AKAP9: variants seen among roughly 807,000 people sequenced by gnomAD.
The protein encoded by AKAP9 is A-kinase anchoring protein 9.
Under a neutral mutation model 488.5 loss-of-function variants are expected in AKAP9, and 311 were observed. The observed-to-expected ratio is 0.64, with a 90% CI of 0.58 to 0.70. The LOEUF (loss-of-function observed/expected upper bound fraction) is 0.70, where lower values mean the gene tolerates loss of function less well. Ranked by LOEUF, AKAP9 falls within the 30% of genes least tolerant of loss-of-function variation. The pLI is 0.00. For synonymous variants in AKAP9, 1,462 were observed against 1,483.5 expected (o/e 0.99, Z 0.33); for missense variants, 4,215 against 4,374.5 (o/e 0.96, Z 1.03).
At position 92,045,149 on chromosome 7, in the gene AKAP9, C is replaced by T; in HGVS notation, c.5304C>T (p.Ser1768=). The T allele has an allele frequency of 6.2e-7, 1 of 1,613,362 alleles. No individual in the cohort carries two copies. The highest frequency in any genetic ancestry group is 8.5e-7 in the Non-Finnish European group (1 of 1,179,912). The part of the protein sequence containing the change: ...DRSSKSQSSA[S]LIWRSEAEAS... ...CTAGTAAAAGCCAGTCATCTGCCAG[C>T]CTAATTTGGAGGTCAGAAGCAGAGG... Residue 1768 remains serine (S), a synonymous_variant, in exon 21 of 50, where the codon AGC becomes AGT. Coordinates refer to ENST00000356239, the MANE Select transcript of AKAP9 (RefSeq NM_005751.5).
At chr7:91,985,869 G>C (rs988918434) in intron 3 of AKAP9, among the ~76,000 whole-genome samples, 1 of 152,016 alleles carries the variant, frequency 6.6e-6, no homozygotes, top group African/African-American at 2.4e-5. Context: ...AGCTGGTCTC[G>C]AACTCCTGAC....
intron 5 of AKAP9, 56 bp from the exon 6 acceptor site, chr7:91,994,564 AC>A: frequency 5.0e-6 from 7 of 1,406,572 alleles, no homozygotes; most frequent in Non-Finnish European, 6.8e-6. Flanking sequence ...TGAAAAAGTT[AC>A]CTGTAATAAT....
At chr7:91,982,539 G>A (rs1796564207) in intron 3 of AKAP9, among the ~76,000 whole-genome samples, 1 of 152,092 alleles carries the variant, frequency 6.6e-6, no homozygotes, top group African/African-American at 2.4e-5. Flanking sequence ...TTTTATGGCT[G>A]CATAGTATTC....
At chr7:91,982,311 A>G (rs1248010223) in intron 3 of AKAP9, among the ~76,000 whole-genome samples, 9 of 151,930 alleles carry the variant, frequency 5.9e-5, no homozygotes, top group Non-Finnish European at 1.0e-4. Flanking sequence ...CATTTACATT[A>G]GGTATATCTC....
intron 11 of AKAP9, 131 bp from the exon 12 acceptor site, chr7:92,016,886 G>C (rs937742637): frequency 1.7e-5 from 11 of 656,128 alleles, no homozygotes; most frequent in Non-Finnish European, 2.2e-5. Context: ...TCAATTTTCA[G>C]TTACTAAATA....
At chr7:92,044,594 G>A (rs1400949051) in intron 20 of AKAP9, among the ~76,000 whole-genome samples, 1 of 152,062 alleles carries the variant, frequency 6.6e-6, no homozygotes, top group East Asian at 1.9e-4. Context: ...ATTTAAATGT[G>A]CAAAATACAT....
chr7:92,045,394 G>A (rs1169973225), intron 21 of AKAP9, among the ~76,000 whole-genome samples, 181 bp downstream of exon 21: 1 of 152,026 alleles, frequency 6.6e-6, no homozygotes. Flanking sequence ...TTTGCAAGTG[G>A]GTATCATAGA....
chr7:92,033,870 A>C (rs1804712434), intron 16 of AKAP9, among the ~76,000 whole-genome samples: 1 of 152,192 alleles, frequency 6.6e-6, no homozygotes, highest in Non-Finnish European at 1.5e-5. Context: ...TTTACATTTC[A>C]CTGTTAAGCA....
Position 92,083,667 on chromosome 7 carries a change from T to TTA in AKAP9, c.8646+15_8646+16dup, listed in dbSNP as rs750558687. On this transcript the variant is annotated intron_variant, in intron 33 of 49. Transcript: ENST00000356239. ...TGAGAAGTAAAGAGGTATTTGGTTTTTATAATATGTGTTTTTCAACATTGT... is the reference window on the plus strand; with the variant it reads ...TGAGAAGTAAAGAGGTATTTGGTTTTTATATAATATGTGTTTTTCAACATTGT... 11 of 1,609,574 alleles carry TTA rather than the reference T, an allele frequency of 6.8e-6. No homozygotes were observed. Among genetic ancestry groups the TTA allele is most frequent in the Non-Finnish European group, 9.3e-6 (11 of 1,179,130 alleles).
In AKAP9 at chr7:92,108,580, A is replaced by G. The variant is rs1425583842; in HGVS notation, c.11633A>G (p.Asp3878Gly). ...TACGATCCTGACAGAGCCCTAACAG[A>G]TTATATCACTCGGCTAGAGGCACTG... ...QNYDPDRALT[D>G]YITRLEALQR... The change falls in exon 49 of 50, where the codon GAT becomes GGT. Residue 3878 changes from aspartate (D) to glycine (G), a missense_variant. Physicochemically the swap from Asp to Gly is moderately conservative, Grantham distance 94 (BLOSUM62 -1). Coordinates refer to ENST00000356239, the MANE Select transcript of AKAP9 (RefSeq NM_005751.5). 32 of 1,614,198 alleles carry G rather than the reference A, an allele frequency of 2.0e-5. No individual in the cohort carries two copies. Among genetic ancestry groups the G allele is most frequent in the Non-Finnish European group, 2.5e-5 (29 of 1,180,042 alleles).
rs1809711757 is a variant in AKAP9 at position 92,061,159 on chromosome 7, T to C, written c.5602-101T>C. The stretch of plus-strand genomic sequence containing the variant: ...TAAATGACTACAATTCAGTAGTATA[T>C]CTTTATTTTAAAATCCTCCTTTTTT... On this transcript the variant is annotated intron_variant, in intron 22 of 49. Transcript: ENST00000356239. 2.2e-6 allele frequency: 3 copies of C among 1,338,646 alleles called. No individual in the cohort carries two copies. In the Admixed American group the frequency reaches 5.8e-5, roughly 26 times the overall value. 82.9% of individuals were successfully genotyped at this position (1,338,646 alleles called of 1,614,324 possible).
At chr7:92,071,585 C>T (rs1025318743) in intron 28 of AKAP9, among the ~76,000 whole-genome samples, 1 of 152,038 alleles carries the variant, frequency 6.6e-6, no homozygotes, top group African/African-American at 2.4e-5. Context: ...CAATGGTCAC[C>T]TCAACTTCCT....
intron 8 of AKAP9, among the ~76,000 whole-genome samples, chr7:92,007,852 A>G (rs1190720780): frequency 6.6e-6 from 1 of 152,266 alleles, no homozygotes; most frequent in Non-Finnish European, 1.5e-5. Flanking sequence ...AAAATGCAGA[A>G]TGCATTTAAC....
chr7:92,017,262 A>T lies in AKAP9; in HGVS notation c.3837+160A>T, dbSNP rs202186359. On this transcript the variant is annotated intron_variant, in intron 12 of 49. Coordinates refer to ENST00000356239, the MANE Select transcript of AKAP9 (RefSeq NM_005751.5). ...TTGTAGTAGATAATTTATATTGGTA[A>T]GCTGAAAGAATTTCTGCAAGTCGAA... 3.3e-5 allele frequency among the ~76,000 whole-genome samples: 5 copies of T among 152,272 alleles called. No individual in the cohort carries two copies. In the East Asian group the frequency reaches 9.6e-4, roughly 29 times the overall value.
chr7:91,947,348 T>G (rs1791579768), intron 1 of AKAP9, among the ~76,000 whole-genome samples: 1 of 152,104 alleles, frequency 6.6e-6, no homozygotes, highest in Non-Finnish European at 1.5e-5. Context: ...AGCAAGCATT[T>G]TTTTTTCCCC....
At chr7:91,942,137 T>C (rs1562871302) in intron 1 of AKAP9, among the ~76,000 whole-genome samples, 1 of 152,200 alleles carries the variant, frequency 6.6e-6, no homozygotes, top group Non-Finnish European at 1.5e-5. Context: ...TTAGAGATAA[T>C]TGTTAGCAGT....
Position 92,042,740 on chromosome 7 carries a change from G to GATTTC in AKAP9, c.5133_5134insTTCAT (p.Val1712PhefsTer23). ...AAAGGAATTAGACAGAAAACCTGAA[G>GATTTC]ATGTGCCTCCTGAGATTTTGTCTAA... On this transcript the variant is annotated frameshift_variant, in exon 20 of 50. Transcript: ENST00000356239. LOFTEE classifies it high-confidence loss of function. 6.2e-7 allele frequency: 1 copy of GATTTC among 1,611,776 alleles called. No homozygotes were observed. The highest frequency in any genetic ancestry group is 2.2e-5 in the East Asian group (1 of 44,648).
In AKAP9 at chr7:92,082,569, T is replaced by G; in HGVS notation, c.8067T>G (p.Asn2689Lys). 1 of 1,613,966 alleles carries G rather than the reference T, an allele frequency of 6.2e-7. No individual in the cohort carries two copies. The change falls in exon 32 of 50, where the codon AAT becomes AAG. Residue 2689 changes from asparagine (N) to lysine (K), a missense_variant. Transcript: ENST00000356239. ...FHSNEESGFF[N>K]ELEALRAESV... is the part of the protein sequence containing the mutation. ...GCAATGAAGAAAGTGGATTTTTTAA[T>G]GAACTCGAGGCTCTTAGAGCTGAAT...
In AKAP9 at chr7:92,061,244, T is replaced by A. The variant is rs1303280002; in HGVS notation, c.5602-16T>A. 2.5e-6 allele frequency: 4 copies of A among 1,610,688 alleles called. No individual in the cohort carries two copies. Among genetic ancestry groups the A allele is most frequent in the Non-Finnish European group, 3.4e-6 (4 of 1,177,774 alleles). On this transcript the variant is annotated splice_polypyrimidine_tract_variant and intron_variant, in intron 22 of 49. Transcript: ENST00000356239. Reference sequence around the variant, plus strand: ...CACTTTATTTTCTTTTATGTATTGTTTCCCTCTTTGTTTAGCTTGAACATG... The same window carrying A: ...CACTTTATTTTCTTTTATGTATTGTATCCCTCTTTGTTTAGCTTGAACATG...
Sources: allele counts gnomAD v4.1 joint callset (sites outside exome capture counted in the v4.1 genomes callset), GRCh38; gene constraint gnomAD v4.1.1; transcripts MANE v1.5; gene names NCBI Gene and HGNC (gene_info 2026-07-23, HGNC 2026-07-21).